ZNF366: variants seen among roughly 807,000 people sequenced by gnomAD.
ZNF366 encodes zinc finger protein 366.
ZNF366 carries 20 observed loss-of-function variants against 47.2 expected under a neutral mutation model. The observed-to-expected ratio is 0.42, with a 90% CI of 0.30 to 0.62. The LOEUF is 0.62. ZNF366 is among the 20% of genes least tolerant of loss of function. ZNF366 has a pLI of 0.16. For missense variants in ZNF366, 987 were observed against 976.3 expected (o/e 1.01, Z -0.15); for synonymous variants, 421 against 395.1 (o/e 1.07, Z -0.78).
chr5:72,489,227 A>G (rs576089550), intron 1 of ZNF366, among the ~76,000 whole-genome samples: 20 of 152,318 alleles, frequency 1.3e-4, no homozygotes, highest in African/African-American at 4.1e-4. Context: ...AAATTAAGAA[A>G]AAAAAAAAGA....
intron 3 of ZNF366, among the ~76,000 whole-genome samples, chr5:72,448,817 A>G (rs1347532096): frequency 6.6e-6 from 1 of 152,250 alleles, no homozygotes; most frequent in Non-Finnish European, 1.5e-5. Context: ...TAGACCTCTC[A>G]AATGATGATT....
At chr5:72,455,565 C>T (rs1743167119) in intron 3 of ZNF366, among the ~76,000 whole-genome samples, 1 of 152,188 alleles carries the variant, frequency 6.6e-6, no homozygotes, top group East Asian at 1.9e-4. Context: ...CCAATGCTCT[C>T]TCCTCATTTT....
At chr5:72,507,138 A>G in intron 1 of ZNF366, 113 bp downstream of exon 1, 2 of 790,978 alleles carry the variant, frequency 2.5e-6, no homozygotes, top group Non-Finnish European at 3.1e-6. Flanking sequence ...TATCACTTAT[A>G]CCCTTTGGTT....
intron 1 of ZNF366, among the ~76,000 whole-genome samples, chr5:72,485,348 C>G (rs1320676631): frequency 6.6e-6 from 1 of 152,150 alleles, no homozygotes; most frequent in East Asian, 1.9e-4. Context: ...AAGAAAGGAA[C>G]AAAGGAAGAA....
At chr5:72,504,089 G>GTGCATGCACA (rs1561207650) in intron 1 of ZNF366, among the ~76,000 whole-genome samples, 1 of 151,496 alleles carries the variant, frequency 6.6e-6, no homozygotes, top group Non-Finnish European at 1.5e-5. Flanking sequence ...ACATGCGCGC[G>GTGCATGCACA]CACACACGCG....
chr5:72,504,855 A>C (rs891925274), intron 1 of ZNF366, among the ~76,000 whole-genome samples: 1 of 152,206 alleles, frequency 6.6e-6, no homozygotes, highest in African/African-American at 2.4e-5. Context: ...TCACAACTCC[A>C]TTATGTTGAC....
chr5:72,481,122 G>T (rs543493190), intron 1 of ZNF366, among the ~76,000 whole-genome samples: 20 of 152,140 alleles, frequency 1.3e-4, no homozygotes, highest in Non-Finnish European at 2.4e-4. Flanking sequence ...TAAAAAGCCC[G>T]TGCAGCCTCA....
chr5:72,478,117 C>A (rs1446989957), intron 1 of ZNF366, among the ~76,000 whole-genome samples: 1 of 152,044 alleles, frequency 6.6e-6, no homozygotes. Context: ...ACATAAGCAA[C>A]CTTCAGGGGA....
intron 1 of ZNF366, among the ~76,000 whole-genome samples, chr5:72,469,025 A>G (rs1743491019): frequency 6.6e-6 from 1 of 152,236 alleles, no homozygotes; most frequent in African/African-American, 2.4e-5. Context: ...TACACAAAAA[A>G]TACATATGTG....
In ZNF366 at chr5:72,456,515, G is replaced by A. The variant is rs966500698; in HGVS notation, c.1413C>T (p.His471=). The A allele has an allele frequency of 9.9e-6, 16 of 1,614,008 alleles. No homozygotes were observed. The East Asian group carries it at 1.3e-4, about 13-fold the overall frequency. Residue 471 remains histidine, a synonymous_variant, in exon 3 of 5, where the codon CAC becomes CAT. Coordinates refer to ENST00000318442, the MANE Select transcript of ZNF366 (RefSeq NM_152625.3). ...GACACTGGTAGGCGCGGATGTTGGT[G>A]TGGATCAGCACGTGTCGCTTCATGT... ...LANMKRHVLI[H]TNIRAYQCHL... is the part of the protein sequence containing the mutation.
rs182988703 is a variant in ZNF366, at chr5:72,478,095, G to T, written c.-14-16585C>A. Among the ~76,000 whole-genome samples the T allele has an allele frequency of 2.6e-5, 4 of 152,250 alleles. No homozygotes were observed. The East Asian group carries it at 7.7e-4, about 29-fold the overall frequency. On this transcript the variant is annotated intron_variant, in intron 1 of 4. Transcript: ENST00000318442. Reference sequence around the variant, plus strand: ...TGGGAAAAGACATTTCAGTGAGTAGGATTGTAAGACTACATAAGCAACCTT... The same window carrying T: ...TGGGAAAAGACATTTCAGTGAGTAGTATTGTAAGACTACATAAGCAACCTT...
intron 1 of ZNF366, among the ~76,000 whole-genome samples, chr5:72,466,234 A>C (rs1743424937): frequency 6.6e-6 from 1 of 152,202 alleles, no homozygotes; most frequent in Admixed American, 6.5e-5. Flanking sequence ...GTTTATTCAT[A>C]CCATGTGGCG....
intron 1 of ZNF366, among the ~76,000 whole-genome samples, chr5:72,492,347 A>G (rs1383328608): frequency 6.6e-6 from 1 of 152,234 alleles, no homozygotes; most frequent in Non-Finnish European, 1.5e-5. Flanking sequence ...GCCAAGGAGC[A>G]CTAGCTGCTA....
intron 3 of ZNF366, among the ~76,000 whole-genome samples, chr5:72,450,367 G>A (rs1313628842): frequency 6.6e-6 from 1 of 152,124 alleles, no homozygotes; most frequent in Admixed American, 6.5e-5. Context: ...TGAGCGCCTG[G>A]TAAAATGGTG....
intron 1 of ZNF366, among the ~76,000 whole-genome samples, chr5:72,473,050 C>T (rs572374824): frequency 1.3e-5 from 2 of 152,290 alleles, no homozygotes; most frequent in East Asian, 3.9e-4. Context: ...TTTCCTAAAC[C>T]TTTCTGCGTT....
chr5:72,444,152 G>A lies in ZNF366; in HGVS notation c.1839C>T (p.Gly613=), dbSNP rs754549662. 6.2e-6 allele frequency: 10 copies of A among 1,613,726 alleles called. No individual in the cohort carries two copies. Among genetic ancestry groups the A allele is most frequent in the Middle Eastern group, 1.6e-4 (1 of 6,062 alleles). ...CCTCTTCCTCCTCGTGGCAGTGGCT[G>A]CCCTGGGCACTCTCCCCGTCTGACT... ...VFQSDGESAQ[G]SHCHEEEEED... The change falls in exon 5 of 5, where the codon GGC becomes GGT. Residue 613 remains glycine (G), a synonymous_variant. Transcript: ENST00000318442.
chr5:72,448,255 G>GTGC (rs386404074), intron 3 of ZNF366, among the ~76,000 whole-genome samples: 1 of 151,594 alleles, frequency 6.6e-6, no homozygotes, highest in Non-Finnish European at 1.5e-5. Context: ...AGTATCTCAG[G>GTGC]TGTACAGGAA....
Position 72,444,099 on chromosome 5 carries a change from T to C in ZNF366, c.1892A>G (p.Tyr631Cys), listed in dbSNP as rs969236836. The change falls in exon 5 of 5, where the codon TAC (tyrosine) becomes TGC (cysteine). Residue 631 changes from tyrosine (Y) to cysteine (C), a missense_variant. Coordinates refer to ENST00000318442, the MANE Select transcript of ZNF366 (RefSeq NM_152625.3). ...GCTCTGGGGGGCCAGGCCAGGGCTG[T>C]AGGGCTCCACCTCGTAGCAGTTATC... ...EEDNCYEVEP[Y>C]SPGLAPQSQQ... The C allele has an allele frequency of 6.2e-7, 1 of 1,614,106 alleles. No homozygotes were observed. The highest frequency in any genetic ancestry group is 1.7e-5 in the Admixed American group (1 of 60,026).
chr5:72,469,179 G>T (rs543126275), intron 1 of ZNF366, among the ~76,000 whole-genome samples: 1 of 152,198 alleles, frequency 6.6e-6, no homozygotes, highest in South Asian at 2.1e-4. Flanking sequence ...AATTGATGAG[G>T]TTAGCCATCT....
Sources: gnomAD v4.1 joint callset for allele counts (sites outside exome capture counted in the v4.1 genomes callset) on GRCh38, gnomAD v4.1.1 for gene constraint, MANE v1.5 for transcripts, NCBI Gene and HGNC (gene_info 2026-07-23, HGNC 2026-07-21) for gene names.